PIK3CB: variants seen among roughly 807,000 people sequenced by gnomAD.
PIK3CB encodes the protein phosphatidylinositol-4,5-bisphosphate 3-kinase catalytic subunit beta.
Under a neutral mutation model 136.8 loss-of-function variants are expected in PIK3CB, and 39 were observed. The ratio of observed to expected loss-of-function variants is 0.29; its 90% CI spans 0.22 to 0.37. The LOEUF (loss-of-function observed/expected upper bound fraction) is 0.37, where lower values mean the gene tolerates loss of function less well. Ranked by LOEUF, PIK3CB falls within the 10% of genes least tolerant of loss-of-function variation. The pLI, the probability that PIK3CB is intolerant of heterozygous loss-of-function variation, is 1.00. For missense variants in PIK3CB, 868 were observed against 1,275.4 expected (o/e 0.68, Z 4.87); for synonymous variants, 428 against 436.6 (o/e 0.98, Z 0.25).
At chr3:138,713,033 C>T (rs1439142374) in intron 9 of PIK3CB, among the ~76,000 whole-genome samples, 1 of 152,010 alleles carries the variant, frequency 6.6e-6, no homozygotes, top group Non-Finnish European at 1.5e-5. Flanking sequence ...TTTATACAAA[C>T]ATTTAAATAG....
rs61645891 is a variant in PIK3CB at position 138,686,940 on chromosome 3, G to A, written c.2136+1935C>T. ...CTACTTCTCAACAGTTTCAGGAGCT[G>A]TACAAACACTGGTGACAAGGCAACC... is the stretch of plus-strand genomic sequence containing the variant. On this transcript the variant is annotated intron_variant, in intron 16 of 23. Transcript: ENST00000674063. Among the ~76,000 whole-genome samples the A allele has an allele frequency of 6.1e-4, 93 of 152,276 alleles. No homozygotes were observed. In the East Asian group the frequency reaches 0.016, roughly 26 times the overall value.
chr3:138,807,331 G>A (rs1227633138), intron 1 of PIK3CB, among the ~76,000 whole-genome samples: 1 of 152,086 alleles, frequency 6.6e-6, no homozygotes, highest in Non-Finnish European at 1.5e-5. Context: ...CTACTCAGGA[G>A]GCTGAGGCAG....
At chr3:138,783,889 G>A (rs922284581) in intron 2 of PIK3CB, among the ~76,000 whole-genome samples, 1 of 152,054 alleles carries the variant, frequency 6.6e-6, no homozygotes, top group East Asian at 1.9e-4. Context: ...AAAAAATTGG[G>A]ATAATAATTA....
At chr3:138,804,338 A>G (rs2046207603) in intron 1 of PIK3CB, among the ~76,000 whole-genome samples, 1 of 152,020 alleles carries the variant, frequency 6.6e-6, no homozygotes, top group Non-Finnish European at 1.5e-5. Flanking sequence ...ACAGAGCAAG[A>G]GCCCCTCTCT....
At chr3:138,675,094 T>C (rs541291590) in intron 19 of PIK3CB, among the ~76,000 whole-genome samples, 1 of 152,198 alleles carries the variant, frequency 6.6e-6, no homozygotes, top group East Asian at 1.9e-4. Context: ...GAGAATGATG[T>C]ATCAACAAAG....
rs141379819 is a variant in PIK3CB at position 138,694,830 on chromosome 3, G to A, written c.1848C>T (p.Asp616=). 1.5e-4 allele frequency: 249 copies of A among 1,613,214 alleles called. No individual in the cohort carries two copies. Among genetic ancestry groups the A allele is most frequent in the Non-Finnish European group, 2.1e-4 (245 of 1,179,654 alleles). ...ALELLDFNYP[D]QYVREYAVGC... ...CTACAGCATATTCTCGAACGTACTG[G>A]TCTGGATAGTTGAAATCCAGAAGCT... Residue 616 remains aspartate (D), a synonymous_variant, in exon 14 of 24, where the codon GAC becomes GAT. Transcript: ENST00000674063.
At chr3:138,834,055 C>T (rs2108947756) in intron 1 of PIK3CB, among the ~76,000 whole-genome samples, 1 of 152,274 alleles carries the variant, frequency 6.6e-6, no homozygotes, top group African/African-American at 2.4e-5. Context: ...CAAACGCACG[C>T]CAGCAGCCAG....
intron 2 of PIK3CB, among the ~76,000 whole-genome samples, chr3:138,784,872 G>A (rs1322530584): frequency 2.0e-5 from 3 of 151,790 alleles, no homozygotes; most frequent in Non-Finnish European, 2.9e-5. Context: ...AGTGAGGAGC[G>A]TCTCCCTGGC....
intron 18 of PIK3CB, among the ~76,000 whole-genome samples, 176 bp downstream of exon 18, chr3:138,683,500 AAG>A (rs1473527830): frequency 6.6e-6 from 1 of 152,104 alleles, no homozygotes; most frequent in Non-Finnish European, 1.5e-5. Context: ...ATCATTTTAT[AAG>A]AGGGGGAAAA....
At chr3:138,669,350 G>C (rs1461952201) in intron 19 of PIK3CB, among the ~76,000 whole-genome samples, 2 of 136,998 alleles carry the variant, frequency 1.5e-5, no homozygotes, top group Admixed American at 1.6e-4. Context: ...TGAGGTTGCG[G>C]TGAACCATGA....
At chr3:138,724,881 A>C (rs186258766) in intron 8 of PIK3CB, among the ~76,000 whole-genome samples, 12 of 152,364 alleles carry the variant, frequency 7.9e-5, no homozygotes, top group Admixed American at 3.9e-4. Flanking sequence ...TGAGAAGAAT[A>C]CTACATGACC....
intron 1 of PIK3CB, among the ~76,000 whole-genome samples, chr3:138,821,255 G>C (rs1363426394): frequency 6.7e-6 from 1 of 148,718 alleles, no homozygotes; most frequent in Non-Finnish European, 1.5e-5. Flanking sequence ...CTGCACTCCA[G>C]CTTGGCGACA....
chr3:138,770,759 T>C (rs2045789181), intron 2 of PIK3CB, among the ~76,000 whole-genome samples: 1 of 152,180 alleles, frequency 6.6e-6, no homozygotes, highest in Non-Finnish European at 1.5e-5. Context: ...TCACCCAGTC[T>C]AGAGTGCAGT....
intron 21 of PIK3CB, among the ~76,000 whole-genome samples, chr3:138,658,337 C>A (rs1311212911): frequency 6.6e-6 from 1 of 152,030 alleles, no homozygotes; most frequent in African/African-American, 2.4e-5. Context: ...GTGGTCCCAG[C>A]TACTCAGGGG....
At chr3:138,702,767 C>T (rs1275264180) in intron 12 of PIK3CB, among the ~76,000 whole-genome samples, 1 of 152,074 alleles carries the variant, frequency 6.6e-6, no homozygotes, top group African/African-American at 2.4e-5. Context: ...TAAATTTATA[C>T]ACAAACACAC....
intron 12 of PIK3CB, among the ~76,000 whole-genome samples, chr3:138,702,429 G>T (rs1229909610): frequency 6.6e-6 from 1 of 152,088 alleles, no homozygotes; most frequent in Non-Finnish European, 1.5e-5. Flanking sequence ...AATTGTAAAG[G>T]TATATCAGAC....
rs149447759 is a variant in PIK3CB at position 138,723,234 on chromosome 3, A to C, written c.1051-8515T>G. Among the ~76,000 whole-genome samples the C allele has an allele frequency of 3.8e-3, 578 of 152,292 alleles. 5 individuals are homozygous for C. Among genetic ancestry groups the C allele is most frequent in the African/African-American group, 0.013 (556 of 41,556 alleles). On this transcript the variant is annotated intron_variant, in intron 8 of 23. Transcript: ENST00000674063. ...TATCTTCAATCTTGAGAAGTAAAGC[A>C]TTTTAAAGTATAATTTATTTAAAGT... is the stretch of plus-strand genomic sequence containing the variant.
chr3:138,834,422 G>T (rs972196025), intron 1 of PIK3CB, among the ~76,000 whole-genome samples: 1 of 152,192 alleles, frequency 6.6e-6, no homozygotes, highest in Non-Finnish European at 1.5e-5. Context: ...GACCCGGGAC[G>T]CCCGGCAGCG....
At chr3:138,720,551 A>G (rs567783141) in intron 8 of PIK3CB, among the ~76,000 whole-genome samples, 124 of 152,254 alleles carry the variant, frequency 8.1e-4, no homozygotes, top group African/African-American at 2.9e-3. Context: ...CAGCACCATG[A>G]CTGACTGTTT....
Sources: allele counts gnomAD v4.1 joint callset (sites outside exome capture counted in the v4.1 genomes callset), GRCh38; gene constraint gnomAD v4.1.1; transcripts MANE v1.5; gene names NCBI Gene and HGNC (gene_info 2026-07-23, HGNC 2026-07-21).